The following KLK4 variants were observed in gnomAD, a reference collection of about 807,000 sequenced individuals.
KLK4 encodes kallikrein-4.
KLK4 carries 24 observed loss-of-function variants against 24.3 expected under a neutral mutation model. The ratio of observed to expected loss-of-function variants is 0.99; its 90% CI spans 0.72 to 1.39. KLK4 has a LOEUF of 1.39. Among genes scored for constraint, KLK4 ranks in the 40% most tolerant of loss-of-function variants. The probability of loss-of-function intolerance (pLI) is 0.00; values close to 1 mark genes in which losing one functional copy is unlikely to be tolerated. For missense variants in KLK4, 344 were observed against 327.4 expected, an observed-to-expected ratio of 1.05 and a Z score of -0.39; for synonymous variants, 142 against 138.8, an observed-to-expected ratio of 1.02 and a Z score of -0.16.
chr19:50,909,406 C>T, exon 3 of KLK4: 1 of 1,614,090 alleles, frequency 6.2e-7, no homozygotes, highest in Non-Finnish European at 8.5e-7. Context: ...CTACCAGAGA[C>T]GAGCGATCCT....
chr19:50,911,280 A>C (rs111987881), intron 1 of KLK4, among the ~76,000 whole-genome samples, 59 bp downstream of exon 1: 299 of 152,344 alleles, frequency 2.0e-3, no homozygotes, highest in African/African-American at 6.8e-3. Context: ...ATGGAGCTGT[A>C]GGGAGAGTTG....
intron 2 of KLK4, 151 bp from the exon 3 acceptor site, chr19:50,909,565 G>A (rs2090467610): frequency 1.2e-6 from 1 of 835,754 alleles, no homozygotes; most frequent in Non-Finnish European, 2.0e-6. Context: ...TCAGGAGGCG[G>A]GCCCAGGGCT....
chr19:50,909,542 G>T, intron 2 of KLK4, 128 bp from the exon 3 acceptor site: 3 of 1,034,672 alleles, frequency 2.9e-6, no homozygotes, highest in East Asian at 2.4e-5. Flanking sequence ...CGGAGTCAGG[G>T]CTGGGAACGG....
chr19:50,908,358 C>A lies in KLK4; in HGVS notation c.612+1G>T. On this transcript the variant is annotated splice_donor_variant, in intron 5 of 5. Coordinates refer to ENST00000324041, the Ensembl canonical transcript of KLK4. LOFTEE classifies it high-confidence loss of function. ...CTGCCCTCCCCTTTCCCCTCTCTCACGTTGCAGGAGTCCTTCTGGTCTTGC... is the reference window on the plus strand; with the variant it reads ...CTGCCCTCCCCTTTCCCCTCTCTCAAGTTGCAGGAGTCCTTCTGGTCTTGC... 1.2e-6 allele frequency: 2 copies of A among 1,613,068 alleles called. No homozygotes were observed. Among genetic ancestry groups the A allele is most frequent in the Non-Finnish European group, 8.5e-7 (1 of 1,180,012 alleles).
At chr19:50,906,907 A>T (rs1341194793) in exon 6 of KLK4, 1 of 1,613,966 alleles carries the variant, frequency 6.2e-7, no homozygotes, top group Admixed American at 1.7e-5. Context: ...TTTGGGGGTC[A>T]ATTTCATGGG....
chr19:50,908,522 C>T, intron 4 of KLK4, 27 bp from the exon 5 acceptor site: 1 of 1,614,200 alleles, frequency 6.2e-7, no homozygotes, highest in Non-Finnish European at 8.5e-7. Context: ...TGGGTCAGCC[C>T]CCGCGACTGG....
rs554972460 is a variant in KLK4 at position 50,909,531 on chromosome 19, G to A, written c.62-117C>T. ...TCAGGAGCAGTCAGGGCTCCTCGGG[G>A]CGGAGTCAGGGCTGGGAACGGGCTC... On this transcript the variant is annotated intron_variant, in intron 2 of 5. Transcript: ENST00000324041. 246 of 1,129,068 alleles carry A rather than the reference G, an allele frequency of 2.2e-4. 1 individual carries two copies. The African/African-American group carries it at 3.3e-3, about 15-fold the overall frequency. 69.9% of individuals were successfully genotyped at this position (1,129,068 alleles called of 1,614,324 possible). A position where few individuals can be genotyped will look rare whatever the true frequency, so the allele number is the denominator to read the frequency against.
intron 3 of KLK4, 132 bp from the exon 4 acceptor site, chr19:50,908,961 T>C: frequency 6.6e-7 from 1 of 1,521,580 alleles, no homozygotes; most frequent in East Asian, 2.4e-5. Context: ...TAAGAGCTAC[T>C]TAACCATGGT....
rs934537133 is a variant in KLK4, at chr19:50,908,956, G to A, written c.225-127C>T. The A allele has an allele frequency of 1.0e-5, 16 of 1,527,444 alleles. No homozygotes were observed. In the African/African-American group the frequency reaches 1.4e-4, roughly 13 times the overall value. The allele number at this position is 1,527,444 out of a possible 1,614,324, so 94.6% of individuals were successfully genotyped here. A position where few individuals can be genotyped will look rare whatever the true frequency, so the allele number is the denominator to read the frequency against. On this transcript the variant is annotated intron_variant, in intron 3 of 5. Coordinates refer to ENST00000324041, the Ensembl canonical transcript of KLK4. ...ACCCTCTTCGCTAAACACCCTAAGA[G>A]CTACTTAACCATGGTCTCAAATCCT...
chr19:50,908,715 G>A (rs1170921760), exon 4 of KLK4: 2 of 1,614,160 alleles, frequency 1.2e-6, no homozygotes, highest in Non-Finnish European at 8.5e-7. Context: ...GGTCGTTAGC[G>A]AGCAAGGGTC....
At chr19:50,911,361 A>T (rs2090486578) in exon 1 of KLK4, among the ~76,000 whole-genome samples, 2 of 152,202 alleles carry the variant, frequency 1.3e-5, no homozygotes, top group African/African-American at 4.8e-5. Context: ...GGGCTCCTGG[A>T]TTCCACTGCT....
At position 50,910,639 on chromosome 19, in the gene KLK4, C is replaced by T. The variant is rs779084761; in HGVS notation, c.61+39G>A. ...CCTGAACATTAACAAACACTGTGCC[C>T]CCAAGCACGGACAGACACACACACG... On this transcript the variant is annotated intron_variant, in intron 2 of 5. Coordinates refer to ENST00000324041, the Ensembl canonical transcript of KLK4. The surrounding 1 kb of genome is among the most constrained non-coding windows in gnomAD (Gnocchi z 4.4). The T allele has an allele frequency of 9.1e-6, 14 of 1,537,496 alleles. No homozygotes were observed. Among genetic ancestry groups the T allele is most frequent in the African/African-American group, 2.7e-5 (2 of 72,730 alleles).
At chr19:50,908,458 C>G in exon 5 of KLK4, 1 of 1,614,166 alleles carries the variant, frequency 6.2e-7, no homozygotes, top group East Asian at 2.2e-5. Flanking sequence ...CAGACACCAC[C>G]GACACGTTCA....
At chr19:50,909,181 C>A (rs1339559053) in intron 3 of KLK4, 71 bp downstream of exon 3, 6 of 1,612,302 alleles carry the variant, frequency 3.7e-6, no homozygotes, top group Non-Finnish European at 4.2e-6. Flanking sequence ...CTGAGCACCC[C>A]AAGATGAGCC....
At position 50,909,428 on chromosome 19, in the gene KLK4, CA is replaced by C; in HGVS notation, c.62-15del. 1.2e-6 allele frequency: 2 copies of C among 1,613,832 alleles called. No individual in the cohort carries two copies. Among genetic ancestry groups the C allele is most frequent in the Non-Finnish European group, 1.7e-6 (2 of 1,179,830 alleles). ...AGACGAGCGATCCTGAGGGCGGAGT[CA>C]GGGATGGGATCGGGACCAGGAGGCG... On this transcript the variant is annotated splice_polypyrimidine_tract_variant and intron_variant, in intron 2 of 5. Transcript: ENST00000324041.
rs1568515547 is a variant in KLK4, at chr19:50,910,373, A to G, written c.61+305T>C. 6.6e-6 allele frequency among the ~76,000 whole-genome samples: 1 copy of G among 152,004 alleles called. No individual in the cohort carries two copies. The highest frequency in any genetic ancestry group is 1.5e-5 in the Non-Finnish European group (1 of 67,990). On this transcript the variant is annotated intron_variant, in intron 2 of 5. Transcript: ENST00000324041. This position sits in a 1 kb window ranked among gnomAD's most constrained non-coding sequence, Gnocchi z 4.4. ...AATGGATCACGCCCCAGGAAGCACA[A>G]TCTCCTGCACCCTCGGCTTCCCCTG...
In KLK4 at chr19:50,908,580, G is replaced by A. The variant is rs745811664; in HGVS notation, c.474C>T (p.Asn158=). 2.5e-6 allele frequency: 4 copies of A among 1,614,190 alleles called. No homozygotes were observed. The South Asian group carries it at 3.3e-5, about 13-fold the overall frequency. The change falls in exon 4 of 6, where the codon AAC becomes AAT. Residue 158 remains asparagine (N), a splice_region_variant and synonymous_variant. Transcript: ENST00000324041. ...GCAGACACACACCCGTGAGCTCACCGTTCGCCAGCAGACCCCAGCCAGAAA... is the reference window on the plus strand; with the variant it reads ...GCAGACACACACCCGTGAGCTCACCATTCGCCAGCAGACCCCAGCCAGAAA...
At chr19:50,909,270 G>T in exon 3 of KLK4, 1 of 1,614,196 alleles carries the variant, frequency 6.2e-7, no homozygotes, top group Non-Finnish European at 8.5e-7. Flanking sequence ...ACAGTGTGCG[G>T]CTGACAGCAC....
exon 6 of KLK4, chr19:50,906,420 GT>G (rs2090429780): frequency 5.6e-6 from 1 of 177,746 alleles, no homozygotes; most frequent in Non-Finnish European, 1.2e-5. Context: ...AACTGGTAAG[GT>G]TGGGTCAACG....
Sources: gnomAD v4.1 joint callset for allele counts (sites outside exome capture counted in the v4.1 genomes callset) on GRCh38, gnomAD v4.1.1 for gene constraint, Gnocchi (gnomAD v3.1) non-coding constraint, MANE v1.5 for transcripts, NCBI Gene and HGNC (gene_info 2026-07-23, HGNC 2026-07-21) for gene names.